MAGI2: variants seen among roughly 807,000 people sequenced by gnomAD.
MAGI2 encodes the protein membrane-associated guanylate kinase, WW and PDZ domain-containing protein 2.
MAGI2 carries 35 observed loss-of-function variants against 133.3 expected under a neutral mutation model. That is an observed-to-expected ratio of 0.26 (90% CI 0.20 to 0.35). The LOEUF (loss-of-function observed/expected upper bound fraction) is 0.35, where lower values mean the gene tolerates loss of function less well. MAGI2 is among the 10% of genes least tolerant of loss of function. The pLI is 1.00. For synonymous variants in MAGI2, 729 were observed against 710.6 expected, an observed-to-expected ratio of 1.03 and a Z score of -0.41; for missense variants, 1,636 against 1,863.4, an observed-to-expected ratio of 0.88 and a Z score of 2.25.
At chr7:79,152,510 T>C (rs1276310375) in intron 1 of MAGI2, among the ~76,000 whole-genome samples, 5 of 152,242 alleles carry the variant, frequency 3.3e-5, no homozygotes, top group Admixed American at 6.5e-5. Context: ...GTAAGTGCTA[T>C]TTGGCTACAA....
chr7:78,058,309 G>A lies in MAGI2; in HGVS notation c.3706+20638C>T, dbSNP rs559625081. ...CACAGAGCCTGGAGCCGGCAATGAG[G>A]GAATGTCTGTGTTCTTGCTCGCCTT... On this transcript the variant is annotated intron_variant, in intron 21 of 21. Transcript: ENST00000354212. Among the ~76,000 whole-genome samples, 5 of 151,944 alleles carry A rather than the reference G, an allele frequency of 3.3e-5. No homozygotes were observed. In the South Asian group the frequency reaches 1.0e-3, roughly 32 times the overall value.
intron 2 of MAGI2, among the ~76,000 whole-genome samples, chr7:78,934,408 C>A (rs1380724940): frequency 2.6e-5 from 4 of 152,106 alleles, no homozygotes; most frequent in African/African-American, 7.2e-5. Flanking sequence ...CCGGCCAGAA[C>A]ACATTTTTTT....
chr7:78,946,022 G>C (rs934813706), intron 2 of MAGI2, among the ~76,000 whole-genome samples: 1 of 152,132 alleles, frequency 6.6e-6, no homozygotes, highest in African/African-American at 2.4e-5. Context: ...GTGTCTTAAA[G>C]ATGATGATGT....
intron 10 of MAGI2, among the ~76,000 whole-genome samples, chr7:78,228,372 G>C (rs73702840): frequency 0.021 from 3,122 of 152,274 alleles, 110 homozygotes; most frequent in African/African-American, 0.071. Context: ...GAGAATTTCT[G>C]AAGAAATGAA....
At chr7:78,955,908 A>G (rs1205773889) in intron 2 of MAGI2, among the ~76,000 whole-genome samples, 2 of 151,812 alleles carry the variant, frequency 1.3e-5, no homozygotes, top group African/African-American at 2.4e-5. Context: ...GTATTTGTTC[A>G]CTTTATAATA....
intron 2 of MAGI2, among the ~76,000 whole-genome samples, chr7:78,877,879 A>G (rs1227618031): frequency 2.6e-5 from 4 of 152,184 alleles, no homozygotes; most frequent in Non-Finnish European, 4.4e-5. Flanking sequence ...ACTTGCCTAA[A>G]AGTACTTATT....
At chr7:79,379,273 C>T (rs1333967225) in intron 1 of MAGI2, among the ~76,000 whole-genome samples, 1 of 151,624 alleles carries the variant, frequency 6.6e-6, no homozygotes, top group Non-Finnish European at 1.5e-5. Context: ...CATCCATGTC[C>T]CTAAAAAGGA....
chr7:79,093,622 G>T (rs1324183837), intron 1 of MAGI2, among the ~76,000 whole-genome samples: 1 of 151,860 alleles, frequency 6.6e-6, no homozygotes, highest in Non-Finnish European at 1.5e-5. Context: ...CAACTTCCAT[G>T]GCTGATAAGG....
chr7:78,264,819 G>C (rs1584622625), intron 9 of MAGI2, among the ~76,000 whole-genome samples: 1 of 152,038 alleles, frequency 6.6e-6, no homozygotes, highest in African/African-American at 2.4e-5. Context: ...AATGTGGAAA[G>C]CTGTCCTACT....
At chr7:79,146,794 C>T (rs567839175) in intron 1 of MAGI2, among the ~76,000 whole-genome samples, 11 of 152,272 alleles carry the variant, frequency 7.2e-5, no homozygotes, top group African/African-American at 2.4e-4. Flanking sequence ...TTAGGTGTGC[C>T]TTTATTGGCA....
chr7:79,213,643 AAAAT>A (rs1829706817), intron 1 of MAGI2, among the ~76,000 whole-genome samples: 2 of 152,126 alleles, frequency 1.3e-5, no homozygotes, highest in Non-Finnish European at 2.9e-5. Context: ...CAGGTTTAAA[AAAAT>A]AAATATGTGT....
At chr7:79,276,216 G>A (rs1835220047) in intron 1 of MAGI2, among the ~76,000 whole-genome samples, 1 of 152,168 alleles carries the variant, frequency 6.6e-6, no homozygotes, top group Admixed American at 6.5e-5. Flanking sequence ...ATGGGAGGAG[G>A]TCAAAATATC....
intron 2 of MAGI2, among the ~76,000 whole-genome samples, chr7:78,848,298 T>A (rs984037239): frequency 2.0e-5 from 3 of 151,866 alleles, no homozygotes; most frequent in Non-Finnish European, 4.4e-5. Flanking sequence ...TTGATTCTCC[T>A]CATTCCTTCA....
chr7:78,341,410 T>A (rs1249911588), intron 9 of MAGI2, among the ~76,000 whole-genome samples: 2 of 152,108 alleles, frequency 1.3e-5, no homozygotes, highest in Non-Finnish European at 2.9e-5. Flanking sequence ...TTTAATGCTA[T>A]CCCCATCAAG....
At chr7:79,382,007 C>T (rs1038464716) in intron 1 of MAGI2, among the ~76,000 whole-genome samples, 6 of 151,644 alleles carry the variant, frequency 4.0e-5, no homozygotes, top group Non-Finnish European at 7.4e-5. Context: ...AACATTGGTG[C>T]TGGTCCTGAT....
chr7:78,758,495 A>T (rs1032714619), intron 2 of MAGI2, among the ~76,000 whole-genome samples: 5 of 152,204 alleles, frequency 3.3e-5, no homozygotes, highest in African/African-American at 4.8e-5. Flanking sequence ...TCCACACTTC[A>T]ATGTGTTTGC....
At chr7:78,301,922 T>C (rs1166526364) in intron 9 of MAGI2, among the ~76,000 whole-genome samples, 2 of 152,120 alleles carry the variant, frequency 1.3e-5, no homozygotes, top group African/African-American at 4.8e-5. Context: ...TCCCAATCTA[T>C]AAAATGGGGG....
chr7:79,066,277 A>C (rs1007308986), intron 1 of MAGI2, among the ~76,000 whole-genome samples: 3 of 147,436 alleles, frequency 2.0e-5, no homozygotes, highest in Non-Finnish European at 4.4e-5. Context: ...ATGATATCTC[A>C]GTGTGGTGTT....
chr7:78,320,639 A>G (rs1480176196), intron 9 of MAGI2, among the ~76,000 whole-genome samples: 1 of 152,224 alleles, frequency 6.6e-6, no homozygotes, highest in Non-Finnish European at 1.5e-5. Flanking sequence ...AATGCGAGTT[A>G]TTTATGACAA....
Sources: allele counts gnomAD v4.1 joint callset (sites outside exome capture counted in the v4.1 genomes callset), GRCh38; gene constraint gnomAD v4.1.1; transcripts MANE v1.5; gene names NCBI Gene and HGNC (gene_info 2026-07-23, HGNC 2026-07-21).